FAM240B: variants seen among roughly 807,000 people sequenced by gnomAD.
FAM240B encodes protein FAM240B.
intron 2 of FAM240B, among the ~76,000 whole-genome samples, chr9:38,700,319 T>C (rs1479354813): frequency 2.0e-5 from 3 of 152,222 alleles, no homozygotes; most frequent in Non-Finnish European, 2.9e-5. Context: ...TAGGCAGCCT[T>C]CAGAGCAAGA....
chr9:38,705,360 C>G (rs1306564222), intron 1 of FAM240B: 1 of 152,474 alleles, frequency 6.6e-6, no homozygotes, highest in Non-Finnish European at 1.5e-5. Context: ...GAGGCCGAGG[C>G]GGGCGGATCA....
intron 1 of FAM240B, among the ~76,000 whole-genome samples, chr9:38,715,117 T>C (rs1821292879): frequency 6.6e-6 from 1 of 152,208 alleles, no homozygotes; most frequent in African/African-American, 2.4e-5. Context: ...CCTGACACCA[T>C]CAGCAGACAG....
At position 38,699,654 on chromosome 9, in the gene FAM240B, G is replaced by A. The variant is rs190526802; in HGVS notation, c.143+4203C>T. 3.6e-3 allele frequency among the ~76,000 whole-genome samples: 543 copies of A among 152,270 alleles called. 5 individuals carry two copies. The highest frequency in any genetic ancestry group is 0.024 in the Middle Eastern group (7 of 294). On this transcript the variant is annotated intron_variant, in intron 2 of 2. Coordinates refer to ENST00000637493, the MANE Select transcript of FAM240B (RefSeq NM_001394922.1). ...CAGTAATTGGCTGGGAGCGGCCTGG[G>A]GGAAGTATGGCTTTGGCTCATACAC...
chr9:38,704,509 A>C (rs1821166345), intron 1 of FAM240B, among the ~76,000 whole-genome samples: 1 of 152,204 alleles, frequency 6.6e-6, no homozygotes, highest in African/African-American at 2.4e-5. Flanking sequence ...AGTTAAATAA[A>C]ATATTTGATA....
intron 2 of FAM240B, among the ~76,000 whole-genome samples, chr9:38,696,799 C>T (rs1008454875): frequency 9.9e-5 from 15 of 152,044 alleles, no homozygotes; most frequent in Non-Finnish European, 1.5e-4. Flanking sequence ...GGGCGACAGA[C>T]GGAGACACCG....
chr9:38,701,676 G>A (rs914915991), intron 2 of FAM240B, among the ~76,000 whole-genome samples: 8 of 152,136 alleles, frequency 5.3e-5, no homozygotes, highest in Admixed American at 4.6e-4. Context: ...CGTTGGGGGA[G>A]ACTGATGAAA....
chr9:38,698,651 C>T (rs561806351), intron 2 of FAM240B, among the ~76,000 whole-genome samples: 3 of 152,172 alleles, frequency 2.0e-5, no homozygotes, highest in Non-Finnish European at 4.4e-5. Context: ...TCATACACAT[C>T]TACTCTCCTC....
intron 2 of FAM240B, among the ~76,000 whole-genome samples, chr9:38,696,105 C>T (rs1319427865): frequency 1.3e-5 from 2 of 151,992 alleles, no homozygotes; most frequent in South Asian, 2.1e-4. Context: ...ATTATGGGCC[C>T]GGGAAAGAAT....
At chr9:38,698,082 A>C (rs1587588422) in intron 2 of FAM240B, among the ~76,000 whole-genome samples, 1 of 152,374 alleles carries the variant, frequency 6.6e-6, no homozygotes, top group Middle Eastern at 3.4e-3. Flanking sequence ...AATGCAGATC[A>C]TATGACCTAA....
Position 38,709,340 on chromosome 9 carries a change from G to A in FAM240B, c.-3-5338C>T, listed in dbSNP as rs139090360. Among the ~76,000 whole-genome samples the A allele has an allele frequency of 2.3e-3, 352 of 152,294 alleles. 1 individual carries two copies. The highest frequency in any genetic ancestry group is 8.0e-3 in the African/African-American group (331 of 41,556). ...GCTCCCATTTACCAGGCTCACTGTA[G>A]CTGGTATGGCCCTCTTTGAACAGAA... On this transcript the variant is annotated intron_variant, in intron 1 of 2. Coordinates refer to ENST00000637493, the MANE Select transcript of FAM240B (RefSeq NM_001394922.1).
intron 2 of FAM240B, among the ~76,000 whole-genome samples, chr9:38,701,721 G>A (rs150663575): frequency 0.011 from 1,658 of 152,266 alleles, 10 homozygotes; most frequent in Middle Eastern, 0.024. Flanking sequence ...TATTCTTTCA[G>A]TCATAGAAGT....
chr9:38,696,550 C>T (rs1208010952), intron 2 of FAM240B, among the ~76,000 whole-genome samples: 2 of 152,108 alleles, frequency 1.3e-5, no homozygotes, highest in African/African-American at 4.8e-5. Flanking sequence ...GGGGCAGTAC[C>T]GTCAAGACAT....
intron 2 of FAM240B, 141 bp downstream of exon 2, chr9:38,703,716 A>T: frequency 2.5e-6 from 1 of 395,406 alleles, no homozygotes; most frequent in Non-Finnish European, 4.5e-6. Context: ...GTCACTGCAC[A>T]GAATTTATGC....
intron 2 of FAM240B, among the ~76,000 whole-genome samples, chr9:38,696,800 G>A (rs1402018784): frequency 2.0e-5 from 3 of 152,074 alleles, no homozygotes; most frequent in Admixed American, 6.5e-5. Context: ...GGCGACAGAC[G>A]GAGACACCGT....
At chr9:38,716,380 G>A (rs1821302946) in intron 1 of FAM240B, among the ~76,000 whole-genome samples, 1 of 152,210 alleles carries the variant, frequency 6.6e-6, no homozygotes, top group East Asian at 1.9e-4. Flanking sequence ...GCTGAGGCAG[G>A]AGAATCGCTT....
intron 2 of FAM240B, among the ~76,000 whole-genome samples, chr9:38,699,146 T>C (rs1032442330): frequency 6.6e-6 from 1 of 152,224 alleles, no homozygotes; most frequent in Non-Finnish European, 1.5e-5. Context: ...CTATTTCTTG[T>C]TCTAGATTCT....
intron 1 of FAM240B, among the ~76,000 whole-genome samples, chr9:38,707,313 C>T (rs1415035506): frequency 1.3e-5 from 2 of 152,092 alleles, no homozygotes; most frequent in African/African-American, 2.4e-5. Context: ...TGCTCACATC[C>T]GCACGGCATT....
At chr9:38,696,019 C>A (rs189970953) in intron 2 of FAM240B, among the ~76,000 whole-genome samples, 5 of 152,280 alleles carry the variant, frequency 3.3e-5, no homozygotes, top group Admixed American at 3.3e-4. Flanking sequence ...CTGCTACAGT[C>A]TGAACGTGTG....
intron 1 of FAM240B, among the ~76,000 whole-genome samples, chr9:38,706,275 A>G (rs1308948865): frequency 6.6e-6 from 1 of 152,162 alleles, no homozygotes; most frequent in Non-Finnish European, 1.5e-5. Context: ...ATTGATAGAC[A>G]GTGTTGAGGT....
Sources: gnomAD v4.1 joint callset for allele counts (sites outside exome capture counted in the v4.1 genomes callset) on GRCh38, gnomAD v4.1.1 for gene constraint, MANE v1.5 for transcripts, NCBI Gene and HGNC (gene_info 2026-07-23, HGNC 2026-07-21) for gene names.